Variants in MTREX observed in about 807,000 individuals in gnomAD.
The protein encoded by MTREX is Mtr4 exosome RNA helicase, also known as exosome RNA helicase MTR4.
MTREX carries 76 observed loss-of-function variants against 135.4 expected under a neutral mutation model. The observed-to-expected ratio is 0.56, with a 90% CI of 0.47 to 0.68. MTREX has a LOEUF of 0.68. Ranked by LOEUF, MTREX falls within the 30% of genes least tolerant of loss-of-function variation. The probability of loss-of-function intolerance (pLI) is 0.00; values close to 1 mark genes in which losing one functional copy is unlikely to be tolerated. For missense variants in MTREX, 920 were observed against 1,262.1 expected (o/e 0.73, Z 4.11); for synonymous variants, 404 against 401.6 (o/e 1.01, Z -0.07).
intron 22 of MTREX, among the ~76,000 whole-genome samples, chr5:55,409,129 G>T (rs1207627332): frequency 6.6e-6 from 1 of 151,764 alleles, no homozygotes; most frequent in Non-Finnish European, 1.5e-5. Context: ...TTTTTGTATT[G>T]CTTTGTAGAG....
chr5:55,336,716 C>G (rs1038857507), intron 5 of MTREX, among the ~76,000 whole-genome samples: 13 of 152,172 alleles, frequency 8.5e-5, no homozygotes, highest in Admixed American at 6.5e-5. Context: ...GCAGTAGGCC[C>G]TGTGGAACCT....
intron 22 of MTREX, among the ~76,000 whole-genome samples, chr5:55,408,678 CT>C (rs1317628097): frequency 6.6e-6 from 1 of 152,102 alleles, no homozygotes; most frequent in Admixed American, 6.5e-5. Context: ...GAAACATCAT[CT>C]TTGTAGTGTT....
chr5:55,415,126 G>A (rs1241848569), intron 24 of MTREX, among the ~76,000 whole-genome samples: 2 of 151,704 alleles, frequency 1.3e-5, no homozygotes, highest in Non-Finnish European at 2.9e-5. Context: ...TTACAAGAGA[G>A]GAACAAAAAA....
intron 25 of MTREX, among the ~76,000 whole-genome samples, chr5:55,419,684 CAA>C (rs1371490833): frequency 6.6e-6 from 1 of 152,162 alleles, no homozygotes; most frequent in East Asian, 1.9e-4. Flanking sequence ...TGAAGGATGA[CAA>C]AGGATTTGCT....
intron 4 of MTREX, among the ~76,000 whole-genome samples, chr5:55,328,062 C>T (rs893632528): frequency 1.3e-5 from 2 of 152,072 alleles, no homozygotes; most frequent in Non-Finnish European, 2.9e-5. Flanking sequence ...TACATGTGTA[C>T]TAGTTTTTGC....
chr5:55,373,721 G>T (rs28526277), intron 16 of MTREX, among the ~76,000 whole-genome samples: 21,278 of 151,818 alleles, frequency 0.14, 1,890 homozygotes, highest in East Asian at 0.26. Context: ...TCTAAACTTA[G>T]GACTTGTGAC....
At chr5:55,376,347 A>C (rs1349845716) in intron 16 of MTREX, among the ~76,000 whole-genome samples, 2 of 152,232 alleles carry the variant, frequency 1.3e-5, no homozygotes, top group Non-Finnish European at 2.9e-5. Context: ...TCATTACCCG[A>C]TCTCCAAGCC....
intron 8 of MTREX, among the ~76,000 whole-genome samples, chr5:55,344,305 A>G (rs1189572404): frequency 2.0e-5 from 3 of 152,256 alleles, no homozygotes; most frequent in East Asian, 3.9e-4. Flanking sequence ...AGCCCTGGTT[A>G]GGGAATTGGT....
At chr5:55,393,782 A>G (rs1308006793) in intron 19 of MTREX, among the ~76,000 whole-genome samples, 5 of 152,258 alleles carry the variant, frequency 3.3e-5, no homozygotes, top group African/African-American at 9.6e-5. Context: ...AGAAAATTGA[A>G]TAAACTGCCA....
At chr5:55,383,519 G>T (rs1330747846) in intron 18 of MTREX, among the ~76,000 whole-genome samples, 1 of 151,998 alleles carries the variant, frequency 6.6e-6, no homozygotes, top group African/African-American at 2.4e-5. Flanking sequence ...CATTGTTTCT[G>T]CTGAGAAGTT....
intron 18 of MTREX, among the ~76,000 whole-genome samples, chr5:55,385,296 C>T (rs1750459639): frequency 6.6e-6 from 1 of 152,112 alleles, no homozygotes. Context: ...AGGGGAAGGG[C>T]TGTTGGGGCC....
At chr5:55,350,689 G>A (rs182039495) in intron 12 of MTREX, among the ~76,000 whole-genome samples, 87 of 152,206 alleles carry the variant, frequency 5.7e-4, no homozygotes, top group South Asian at 3.5e-3. Context: ...AGACAGCAAA[G>A]CATTTGTAAA....
At position 55,345,191 on chromosome 5, in the gene MTREX, C is replaced by T; in HGVS notation, c.1103C>T (p.Thr368Ile). The change falls in exon 10 of 27, where the codon ACA becomes ATA. Residue 368 changes from threonine to isoleucine, a missense_variant. Physicochemically the swap from Thr to Ile is moderately conservative, Grantham distance 89. Transcript: ENST00000230640. ...KGDQKGRKGG[T>I]KGPSNVFKIV... ...GACCAGAAAGGGCGGAAAGGAGGAA[C>T]AAAAGGTAATTTGGAACTTTGCTTT... 6.2e-7 allele frequency: 1 copy of T among 1,601,396 alleles called. No homozygotes were observed. Among genetic ancestry groups the T allele is most frequent in the Non-Finnish European group, 8.6e-7 (1 of 1,169,422 alleles).
At chr5:55,408,387 C>T (rs980147382) in intron 22 of MTREX, among the ~76,000 whole-genome samples, 28 of 152,166 alleles carry the variant, frequency 1.8e-4, no homozygotes, top group Non-Finnish European at 4.4e-5. Flanking sequence ...TATCACCTTA[C>T]TTGTCTGCCC....
At chr5:55,379,040 A>G in intron 17 of MTREX, 87 bp from the exon 18 acceptor site, 9 of 831,596 alleles carry the variant, frequency 1.1e-5, no homozygotes, top group Admixed American at 2.0e-5. Context: ...AGAAAGCTTT[A>G]TTAGTCTAGA....
At chr5:55,402,471 A>G (rs1201857522) in intron 21 of MTREX, among the ~76,000 whole-genome samples, 3 of 152,162 alleles carry the variant, frequency 2.0e-5, no homozygotes. Context: ...GCATCCTTGG[A>G]GGTGGTTTGA....
chr5:55,422,179 C>T (rs1751065200), intron 25 of MTREX, among the ~76,000 whole-genome samples: 1 of 152,156 alleles, frequency 6.6e-6, no homozygotes, highest in Admixed American at 6.5e-5. Context: ...ATCTCACAAT[C>T]TCTGCTCCTC....
chr5:55,351,491 C>G (rs1749827504), intron 13 of MTREX, among the ~76,000 whole-genome samples: 1 of 152,144 alleles, frequency 6.6e-6, no homozygotes, highest in South Asian at 2.1e-4. Context: ...GAGATCACAC[C>G]ATTGTACTCC....
At position 55,425,443 on chromosome 5, in the gene MTREX, A is replaced by G. The variant is rs766663461; in HGVS notation, c.*671A>G. The G allele has an allele frequency of 1.9e-6, 2 of 1,037,794 alleles. No individual in the cohort carries two copies. Among genetic ancestry groups the G allele is most frequent in the Middle Eastern group, 3.1e-4 (1 of 3,202 alleles). 64.3% of individuals were successfully genotyped at this position (1,037,794 alleles called of 1,614,324 possible). A position where few individuals can be genotyped will look rare whatever the true frequency, so the allele number is the denominator to read the frequency against. On this transcript the variant is annotated 3_prime_UTR_variant, in exon 27 of 27. Transcript: ENST00000230640. Reference sequence around the variant, plus strand: ...AATATAAACAAAAGGATATACTTTGAGGTGTACAGATTAAGCATATAAAAA... The same window carrying G: ...AATATAAACAAAAGGATATACTTTGGGGTGTACAGATTAAGCATATAAAAA...
Sources: allele counts gnomAD v4.1 joint callset (sites outside exome capture counted in the v4.1 genomes callset), GRCh38; gene constraint gnomAD v4.1.1; transcripts MANE v1.5; gene names NCBI Gene and HGNC (gene_info 2026-07-23, HGNC 2026-07-21).